Variants in RBM19 observed in about 807,000 individuals in gnomAD.
RBM19 encodes probable RNA-binding protein 19.
A neutral mutation model predicts 116.8 loss-of-function variants in RBM19; 94 were observed. The observed-to-expected ratio is 0.80, with a 90% CI of 0.68 to 0.95. The LOEUF is 0.95. RBM19 is among the 40% of genes least tolerant of loss of function. The pLI, the probability that RBM19 is intolerant of heterozygous loss-of-function variation, is 0.00. For missense variants in RBM19, 1,161 were observed against 1,220.7 expected, an observed-to-expected ratio of 0.95 and a Z score of 0.73; for synonymous variants, 475 against 494.1, an observed-to-expected ratio of 0.96 and a Z score of 0.51.
At chr12:113,851,167 C>T (rs1253064268) in intron 22 of RBM19, among the ~76,000 whole-genome samples, 5 of 152,210 alleles carry the variant, frequency 3.3e-5, no homozygotes, top group Non-Finnish European at 7.3e-5. Context: ...GGGTGACTCC[C>T]ATCCCGGTCC....
intron 21 of RBM19, among the ~76,000 whole-genome samples, chr12:113,902,331 G>T (rs1881749113): frequency 6.6e-6 from 1 of 152,098 alleles, no homozygotes; most frequent in Non-Finnish European, 1.5e-5. Context: ...GCTGTGTGTG[G>T]TGGCTCACAC....
chr12:113,935,992 C>T (rs960020143), intron 16 of RBM19, among the ~76,000 whole-genome samples: 3 of 151,648 alleles, frequency 2.0e-5, no homozygotes, highest in Admixed American at 6.6e-5. Context: ...GCCAAGATCG[C>T]GCACTCCAGC....
chr12:113,950,211 G>T, intron 8 of RBM19, 57 bp from the exon 9 acceptor site: 3 of 1,376,318 alleles, frequency 2.2e-6, no homozygotes, highest in Non-Finnish European at 3.1e-6. Context: ...ACTTGTGGTG[G>T]TCCCCAGAGG....
Position 113,872,476 on chromosome 12 carries a change from G to T in RBM19, c.2559-13580C>A, listed in dbSNP as rs555087313. On this transcript the variant is annotated intron_variant, in intron 21 of 23. Transcript: ENST00000261741. ...TGCTCGGCCGCCCCTACTGGGAGGT[G>T]GGGAGCCCCTCTGCCCGGCCAGCCG... is the stretch of plus-strand genomic sequence containing the variant. Among the ~76,000 whole-genome samples the T allele has an allele frequency of 2.1e-5, 3 of 141,760 alleles. No homozygotes were observed. In the South Asian group the frequency reaches 7.3e-4, roughly 35 times the overall value. 93.0% of individuals were successfully genotyped at this position (141,760 alleles called of 152,430 possible). A position where few individuals can be genotyped will look rare whatever the true frequency, so the allele number is the denominator to read the frequency against.
Position 113,930,302 on chromosome 12 carries a change from G to A in RBM19, c.2069-3073C>T, listed in dbSNP as rs1382605452. Among the ~76,000 whole-genome samples, 6 of 152,198 alleles carry A rather than the reference G, an allele frequency of 3.9e-5. No individual in the cohort carries two copies. The East Asian group carries it at 5.8e-4, about 15-fold the overall frequency. On this transcript the variant is annotated intron_variant, in intron 16 of 23. Coordinates refer to ENST00000261741, the MANE Select transcript of RBM19 (RefSeq NM_016196.4). ...CCCAGTCTCACAAGGGTAATAACCC[G>A]GGGAGCCCAGAACCCCTCAGCATGG...
At chr12:113,926,529 A>G (rs538072718) in intron 17 of RBM19, among the ~76,000 whole-genome samples, 5 of 152,240 alleles carry the variant, frequency 3.3e-5, no homozygotes, top group South Asian at 4.2e-4. Flanking sequence ...ACTTCCTTCT[A>G]GAAGCCCCCG....
At chr12:113,832,544 C>T in intron 23 of RBM19, among the ~76,000 whole-genome samples, 1 of 152,178 alleles carries the variant, frequency 6.6e-6, no homozygotes, top group East Asian at 1.9e-4. Flanking sequence ...ATTCCCACAC[C>T]CCACCCAGTC....
intron 21 of RBM19, among the ~76,000 whole-genome samples, chr12:113,895,623 G>T (rs2135815396): frequency 6.6e-6 from 1 of 152,280 alleles, no homozygotes; most frequent in East Asian, 1.9e-4. Context: ...AAAATGCAAA[G>T]ACAAAGATCT....
intron 13 of RBM19, among the ~76,000 whole-genome samples, chr12:113,943,047 C>T (rs1870717656): frequency 6.6e-6 from 1 of 152,196 alleles, no homozygotes; most frequent in Non-Finnish European, 1.5e-5. Flanking sequence ...AGGGCTCCTG[C>T]AGTTGTTGAC....
In RBM19 at chr12:113,927,177, G is replaced by C. The variant is rs1432500894; in HGVS notation, c.2121C>G (p.Asp707Glu). The C allele has an allele frequency of 6.3e-7, 1 of 1,592,432 alleles. No individual in the cohort carries two copies. The highest frequency in any genetic ancestry group is 1.8e-5 in the Admixed American group (1 of 56,140). Residue 707 changes from aspartate (D) to glutamate (E), a missense_variant, in exon 17 of 24, where the codon GAC (aspartate) becomes GAG (glutamate). Asp to Glu is a conservative substitution (Grantham distance 45). Coordinates refer to ENST00000261741, the MANE Select transcript of RBM19 (RefSeq NM_016196.4). The stretch of plus-strand genomic sequence containing the variant: ...CCTCTTCCATCTTTGCTGAAGAGTT[G>C]TCTGCTCCTTCCTCTGTTGGATTTT... ...EDENPTEEGA[D>E]NSSAKMEEEE... is the part of the protein sequence containing the mutation.
chr12:113,820,366 G>A (rs990926266), downstream of RBM19, among the ~76,000 whole-genome samples: 4 of 152,038 alleles, frequency 2.6e-5, no homozygotes, highest in East Asian at 1.9e-4. Context: ...ATAAAAAGGC[G>A]CCACGCAGGA....
chr12:113,912,941 C>CAATA (rs1030698337), intron 21 of RBM19, among the ~76,000 whole-genome samples: 1 of 152,142 alleles, frequency 6.6e-6, no homozygotes, highest in African/African-American at 2.4e-5. Flanking sequence ...GAGTGAACAA[C>CAATA]AATAGCAGGT....
chr12:113,909,134 T>C (rs1347184453), intron 21 of RBM19, among the ~76,000 whole-genome samples: 1 of 152,044 alleles, frequency 6.6e-6, no homozygotes, highest in African/African-American at 2.4e-5. Flanking sequence ...TTTATTCTAT[T>C]TTTTTAGAGA....
chr12:113,860,748 C>T (rs1878299029), intron 21 of RBM19, among the ~76,000 whole-genome samples: 1 of 152,172 alleles, frequency 6.6e-6, no homozygotes, highest in Admixed American at 6.5e-5. Flanking sequence ...ACTGTGCCCC[C>T]TGACCAGGGC....
chr12:113,877,519 C>A (rs1031630861), intron 21 of RBM19, among the ~76,000 whole-genome samples: 1 of 152,174 alleles, frequency 6.6e-6, no homozygotes, highest in Non-Finnish European at 1.5e-5. Flanking sequence ...AGCAGAGCCT[C>A]CTGGATGCGT....
intron 23 of RBM19, among the ~76,000 whole-genome samples, chr12:113,838,885 C>T (rs570920220): frequency 3.9e-5 from 6 of 152,318 alleles, no homozygotes; most frequent in African/African-American, 9.6e-5. Flanking sequence ...TCAAGGGCTT[C>T]GGCTGGTGCC....
intron 23 of RBM19, among the ~76,000 whole-genome samples, chr12:113,826,391 TA>T (rs1268815636): frequency 2.1e-4 from 32 of 152,298 alleles, no homozygotes; most frequent in African/African-American, 7.7e-4. Flanking sequence ...AGATGCTCAA[TA>T]AATGTGTGCT....
chr12:113,927,591 C>CAAAA (rs764020256), intron 16 of RBM19, among the ~76,000 whole-genome samples: 2 of 63,058 alleles, frequency 3.2e-5, no homozygotes, highest in Admixed American at 1.7e-4. Context: ...CCTCAAAAAA[C>CAAAA]AAAAAAAAAA....
At chr12:113,906,209 A>G (rs1243578782) in intron 21 of RBM19, among the ~76,000 whole-genome samples, 2 of 152,332 alleles carry the variant, frequency 1.3e-5, no homozygotes, top group East Asian at 1.9e-4. Context: ...CCTGCCAACT[A>G]CCCAAATGCT....
Sources: allele counts gnomAD v4.1 joint callset (sites outside exome capture counted in the v4.1 genomes callset), GRCh38; gene constraint gnomAD v4.1.1; transcripts MANE v1.5; gene names NCBI Gene and HGNC (gene_info 2026-07-23, HGNC 2026-07-21).